The following OR2L13 variants were observed in gnomAD, a reference collection of about 807,000 sequenced individuals.
The protein encoded by OR2L13 is olfactory receptor family 2 subfamily L member 13, also known as olfactory receptor 2L13.
A neutral mutation model predicts 15.3 loss-of-function variants in OR2L13; 14 were observed. The ratio of observed to expected loss-of-function variants is 0.91; its 90% confidence interval spans 0.60 to 1.43. OR2L13 has a LOEUF of 1.43. Among genes scored for constraint, OR2L13 ranks in the 40% most tolerant of loss-of-function variants. OR2L13 has a pLI of 0.00. For missense variants in OR2L13, 367 were observed against 387.9 expected (o/e 0.95, Z 0.45); for synonymous variants, 152 against 142.9 (o/e 1.06, Z -0.45).
At chr1:248,018,411 T>C in the OR2L13 span, among the ~76,000 whole-genome samples, 1 of 152,166 alleles carries the variant, frequency 6.6e-6, no homozygotes, top group Non-Finnish European at 1.5e-5. Context: ...AATAATTAAA[T>C]TACTAATACA....
chr1:248,060,996 A>C, the OR2L13 span: 1 of 1,614,060 alleles, frequency 6.2e-7, no homozygotes, highest in East Asian at 2.2e-5. Flanking sequence ...TCTTCTCGGC[A>C]TTAGGAGGTG....
chr1:248,017,124 C>T, the OR2L13 span, among the ~76,000 whole-genome samples: 7 of 152,166 alleles, frequency 4.6e-5, no homozygotes, highest in East Asian at 9.7e-4. Context: ...TGTATGACAT[C>T]ATTAATGCTG....
the OR2L13 span, among the ~76,000 whole-genome samples, chr1:247,950,979 CTGATT>C: frequency 6.6e-6 from 1 of 152,034 alleles, no homozygotes; most frequent in Non-Finnish European, 1.5e-5. Flanking sequence ...CCCAATTACC[CTGATT>C]TGATCATTAC....
chr1:248,018,134 G>T, the OR2L13 span, among the ~76,000 whole-genome samples: 2 of 147,918 alleles, frequency 1.4e-5, no homozygotes, highest in South Asian at 2.1e-4. Context: ...CAGCCTAGGC[G>T]ACAGAGCGAC....
the OR2L13 span, chr1:248,047,008 C>A: frequency 6.6e-6 from 1 of 152,148 alleles, no homozygotes; most frequent in Admixed American, 6.6e-5. Flanking sequence ...ACTGTACTTT[C>A]TATAACACCA....
chr1:248,017,789 T>C, the OR2L13 span, among the ~76,000 whole-genome samples: 1 of 152,170 alleles, frequency 6.6e-6, no homozygotes, highest in African/African-American at 2.4e-5. Context: ...CCTGATTTGC[T>C]TCGTGATTCC....
chr1:248,012,978 ATAT>A, the OR2L13 span, among the ~76,000 whole-genome samples: 15 of 151,824 alleles, frequency 9.9e-5, no homozygotes, highest in South Asian at 4.2e-4. Flanking sequence ...TATATTCTAG[ATAT>A]TATTATACCA....
exon 3 of OR2L13, chr1:248,100,998 G>C (rs1224392438): frequency 6.6e-6 from 1 of 152,532 alleles, no homozygotes; most frequent in Non-Finnish European, 1.5e-5. Context: ...TTGAAGTCCA[G>C]TTTATCCTAA....
chr1:248,008,876 A>G, the OR2L13 span, among the ~76,000 whole-genome samples: 1 of 152,210 alleles, frequency 6.6e-6, no homozygotes, highest in African/African-American at 2.4e-5. Flanking sequence ...ACTCAGGACT[A>G]AGAAACTCAC....
the OR2L13 span, chr1:248,038,972 G>A: frequency 6.2e-7 from 1 of 1,614,086 alleles, no homozygotes; most frequent in Admixed American, 1.7e-5. Flanking sequence ...GGAGGAAGAA[G>A]GCCTATTCAA....
chr1:248,046,648 A>C, the OR2L13 span, among the ~76,000 whole-genome samples: 1 of 152,188 alleles, frequency 6.6e-6, no homozygotes, highest in Non-Finnish European at 1.5e-5. Flanking sequence ...CTCACTGGAC[A>C]ATCCCCAGTG....
chr1:248,057,199 A>G, the OR2L13 span, among the ~76,000 whole-genome samples: 1 of 151,944 alleles, frequency 6.6e-6, no homozygotes. Flanking sequence ...ATCTTTGTTA[A>G]TTTTCTGTCT....
chr1:248,100,825 T>C (rs140693301), exon 3 of OR2L13: 335 of 167,384 alleles, frequency 2.0e-3, no homozygotes, highest in Non-Finnish European at 3.2e-3. Flanking sequence ...TATATATGCA[T>C]GTGTATGTGC....
chr1:248,022,811 C>T, the OR2L13 span: 1 of 1,613,794 alleles, frequency 6.2e-7, no homozygotes, highest in Non-Finnish European at 8.5e-7. Flanking sequence ...ACCCCATCAT[C>T]TACAGCCTGA....
At chr1:248,021,697 A>G in the OR2L13 span, among the ~76,000 whole-genome samples, 1 of 152,244 alleles carries the variant, frequency 6.6e-6, no homozygotes, top group African/African-American at 2.4e-5. Context: ...AACTTTTATT[A>G]GAGTATATAG....
chr1:248,061,380 G>T, the OR2L13 span: 8 of 1,614,074 alleles, frequency 5.0e-6, 1 homozygote, highest in Admixed American at 1.2e-4. Context: ...CAGAAGGGAG[G>T]AAGAAAGCCT....
At chr1:248,099,839 C>T (rs1466475553) in exon 3 of OR2L13, 1 of 1,614,056 alleles carries the variant, frequency 6.2e-7, no homozygotes, top group East Asian at 2.2e-5. Context: ...TCCATCAACT[C>T]CTTGGCACAC....
chr1:248,010,032 A>G, the OR2L13 span, among the ~76,000 whole-genome samples: 1 of 152,142 alleles, frequency 6.6e-6, no homozygotes, highest in East Asian at 1.9e-4. Context: ...AATAAGAGCT[A>G]TTCATGACAA....
At chr1:248,003,955 C>T in the OR2L13 span, 3 of 1,613,746 alleles carry the variant, frequency 1.9e-6, no homozygotes, top group African/African-American at 2.7e-5. Flanking sequence ...TTCTGGCTGT[C>T]TTCTACACCA....
Sources: allele counts gnomAD v4.1 joint callset (sites outside exome capture counted in the v4.1 genomes callset), GRCh38; gene constraint gnomAD v4.1.1; transcripts MANE v1.5; gene names NCBI Gene and HGNC (gene_info 2026-07-23, HGNC 2026-07-21).